ADGRG4: variants seen among roughly 807,000 people sequenced by gnomAD.
ADGRG4 encodes the protein G protein-coupled receptor 112.
A neutral mutation model predicts 126.2 loss-of-function variants in ADGRG4; 122 were observed. The ratio of observed to expected loss-of-function variants is 0.97; its 90% CI spans 0.83 to 1.12. The LOEUF (loss-of-function observed/expected upper bound fraction) is 1.12, where lower values mean the gene tolerates loss of function less well. Among genes scored for constraint, ADGRG4 ranks in the 50% most tolerant of loss-of-function variants. The pLI, the probability that ADGRG4 is intolerant of heterozygous loss-of-function variation, is 0.00. For missense variants in ADGRG4, 2,481 were observed against 2,251.8 expected (o/e 1.10, Z -2.06); for synonymous variants, 943 against 838.7 (o/e 1.12, Z -2.15).
intron 13 of ADGRG4, among the ~76,000 whole-genome samples, chrX:136,365,173 A>G (rs2075151275): frequency 1.8e-5 from 2 of 111,845 alleles, no homozygotes; most frequent in Non-Finnish European, 3.8e-5. Flanking sequence ...AATGTGTACA[A>G]TTTAGTGGGT....
At chrX:136,312,193 T>C (rs2074776354) in intron 4 of ADGRG4, among the ~76,000 whole-genome samples, 1 of 112,832 alleles carries the variant, frequency 8.9e-6, no homozygotes, top group South Asian at 3.7e-4. Flanking sequence ...TTTTAAGTGC[T>C]TAATAGCTAC....
At chrX:136,378,655 T>C (rs1452179177) in intron 15 of ADGRG4, among the ~76,000 whole-genome samples, 2 of 111,907 alleles carry the variant, frequency 1.8e-5, no homozygotes, top group East Asian at 5.5e-4. Flanking sequence ...CTTTATTTGA[T>C]TGAGGTAGTT....
chrX:136,392,110 A>G, intron 16 of ADGRG4, 122 bp from the exon 17 acceptor site: 1 of 575,718 alleles, frequency 1.7e-6, no homozygotes, highest in Non-Finnish European at 2.6e-6. Flanking sequence ...TTAGCTTGCA[A>G]TTTTATTTTC....
intron 15 of ADGRG4, among the ~76,000 whole-genome samples, chrX:136,376,072 T>G (rs986551130): frequency 8.9e-6 from 1 of 111,894 alleles, no homozygotes; most frequent in African/African-American, 3.2e-5. Flanking sequence ...GCGTTAATTT[T>G]TGTATAATGC....
In ADGRG4 at chrX:136,344,890, C is replaced by T. The variant is rs778665341; in HGVS notation, c.1184C>T (p.Ser395Leu). The change falls in exon 6 of 26, where the codon TCG becomes TTG. Residue 395 changes from serine to leucine, a missense_variant. Ser to Leu is a moderately radical substitution (Grantham distance 145). Coordinates refer to ENST00000394143, the MANE Select transcript of ADGRG4 (RefSeq NM_153834.4). ...ACAACTTCAGCAATTAAATCTCAGT[C>T]GGCTGTTACGAAGACAACATCTTTA... ...VSTTSAIKSQ[S>L]AVTKTTSLFS... The T allele has an allele frequency of 1.2e-4, 142 of 1,209,196 alleles. No homozygotes were observed. Among genetic ancestry groups the T allele is most frequent in the Admixed American group, 1.0e-3 (47 of 45,755 alleles).
chrX:136,361,596 AG>A lies in ADGRG4; in HGVS notation c.7277+11del. The A allele has an allele frequency of 3.5e-6, 4 of 1,135,018 alleles. No individual in the cohort carries two copies. Among genetic ancestry groups the A allele is most frequent in the Middle Eastern group, 5.0e-4 (2 of 4,039 alleles). The allele number at this position is 1,135,018 out of a possible 1,213,427, so 93.5% of individuals were successfully genotyped here. On this transcript the variant is annotated intron_variant, in intron 12 of 25. Coordinates refer to ENST00000394143, the MANE Select transcript of ADGRG4 (RefSeq NM_153834.4). ...AATGCCACAAGATTCTGGTATGTAC[AG>A]GCCAAGTTCTAATTGCTGATTCAGA...
At chrX:136,364,294 A>T (rs1329403626) in intron 13 of ADGRG4, among the ~76,000 whole-genome samples, 2 of 111,511 alleles carry the variant, frequency 1.8e-5, no homozygotes, top group African/African-American at 6.5e-5. Flanking sequence ...TGGATCCATA[A>T]TGAAATGTGT....
rs769443228 is a variant in ADGRG4, at chrX:136,359,466, TG to T, written c.7144+17del. The T allele has an allele frequency of 7.7e-6, 9 of 1,168,899 alleles. No homozygotes were observed. In the South Asian group the frequency reaches 1.3e-4, roughly 17 times the overall value. The stretch of plus-strand genomic sequence containing the variant: ...CAGTGAAAAAACTAGGTAATTTTTT[TG>T]GGGGGTGGATATTGCAGTATGAACT... On this transcript the variant is annotated intron_variant, in intron 11 of 25. Coordinates refer to ENST00000394143, the MANE Select transcript of ADGRG4 (RefSeq NM_153834.4).
chrX:136,369,702 G>A (rs2075181399), intron 13 of ADGRG4, among the ~76,000 whole-genome samples: 1 of 112,300 alleles, frequency 8.9e-6, no homozygotes, highest in South Asian at 3.7e-4. Flanking sequence ...ATCCTGCCTA[G>A]TCTTAATATT....
At chrX:136,412,149 G>GGCC in intron 23 of ADGRG4, 116 bp from the exon 24 acceptor site, 1 of 496,475 alleles carries the variant, frequency 2.0e-6, no homozygotes, top group Middle Eastern at 3.4e-4. Context: ...AGCCAGTAAT[G>GGCC]GCCCTGGGGT....
intron 3 of ADGRG4, among the ~76,000 whole-genome samples, chrX:136,306,875 C>T (rs913661145): frequency 1.6e-4 from 18 of 110,740 alleles, no homozygotes; most frequent in Non-Finnish European, 3.0e-4. Flanking sequence ...CCACCATGCC[C>T]GGCTAATTTT....
intron 4 of ADGRG4, among the ~76,000 whole-genome samples, chrX:136,309,743 G>A (rs948005875): frequency 1.8e-5 from 2 of 111,579 alleles, no homozygotes; most frequent in African/African-American, 6.5e-5. Context: ...GGGTACAGTG[G>A]CAACTTTGTC....
At chrX:136,393,205 G>A (rs1603299798) in intron 17 of ADGRG4, among the ~76,000 whole-genome samples, 1 of 111,850 alleles carries the variant, frequency 8.9e-6, no homozygotes, top group African/African-American at 3.3e-5. Context: ...AGCTCCAGAA[G>A]GAACACATCA....
chrX:136,330,754 T>A (rs925094403), intron 5 of ADGRG4, among the ~76,000 whole-genome samples: 4 of 111,792 alleles, frequency 3.6e-5, no homozygotes, highest in Middle Eastern at 4.6e-3. Context: ...TATGAGATGT[T>A]TTGATACAGG....
intron 5 of ADGRG4, among the ~76,000 whole-genome samples, chrX:136,326,811 T>C (rs1338730197): frequency 9.0e-6 from 1 of 111,354 alleles, no homozygotes; most frequent in Non-Finnish European, 1.9e-5. Context: ...ATAGAAGGAT[T>C]ATGACCTTTA....
intron 15 of ADGRG4, among the ~76,000 whole-genome samples, chrX:136,378,895 G>A (rs749810023): frequency 1.8e-5 from 2 of 111,962 alleles, no homozygotes; most frequent in African/African-American, 3.2e-5. Flanking sequence ...AAGTGCTTAT[G>A]TTTTGTGAAG....
intron 9 of ADGRG4, among the ~76,000 whole-genome samples, chrX:136,357,136 C>G (rs915013208): frequency 1.8e-5 from 2 of 111,821 alleles, no homozygotes; most frequent in Non-Finnish European, 1.9e-5. Flanking sequence ...ACTAAAATTC[C>G]TTTCAGTAAC....
At chrX:136,416,399 A>G (rs2075475634) in intron 25 of ADGRG4, 55 bp from the exon 26 acceptor site, 2 of 990,664 alleles carry the variant, frequency 2.0e-6, no homozygotes, top group South Asian at 2.2e-5. Context: ...TGCTTCTACT[A>G]TGTGCAAAGT....
chrX:136,414,966 G>A (rs2075468317), intron 25 of ADGRG4, among the ~76,000 whole-genome samples: 1 of 112,669 alleles, frequency 8.9e-6, no homozygotes, highest in Admixed American at 9.4e-5. Context: ...TATGTAAAAA[G>A]AGAAAGTGTA....
Sources: gnomAD v4.1 joint callset for allele counts (sites outside exome capture counted in the v4.1 genomes callset) on GRCh38, gnomAD v4.1.1 for gene constraint, MANE v1.5 for transcripts, NCBI Gene and HGNC (gene_info 2026-07-23, HGNC 2026-07-21) for gene names.